Variants in FHDC1 observed in about 807,000 individuals in gnomAD.
The protein encoded by FHDC1 is FH2 domain-containing protein 1.
A neutral mutation model predicts 52.6 loss-of-function variants in FHDC1; 25 were observed. The observed-to-expected ratio is 0.48, with a 90% confidence interval of 0.35 to 0.66. The LOEUF is 0.66. FHDC1 is among the 30% of genes least tolerant of loss of function. The pLI is 0.01. For missense variants in FHDC1, 1,459 were observed against 1,452.8 expected, an observed-to-expected ratio of 1.00 and a Z score of -0.07; for synonymous variants, 616 against 581.5, an observed-to-expected ratio of 1.06 and a Z score of -0.85.
the FHDC1 span, among the ~76,000 whole-genome samples, chr4:152,930,997 A>ACACACACACT: frequency 7.8e-3 from 883 of 113,168 alleles, 3 homozygotes; most frequent in Middle Eastern, 0.019. Flanking sequence ...ACACACACAC[A>ACACACACACT]CTCTCTCTCT....
intron 2 of FHDC1, among the ~76,000 whole-genome samples, chr4:152,952,140 A>G (rs191721369): frequency 1.3e-4 from 20 of 152,334 alleles, no homozygotes; most frequent in Non-Finnish European, 1.3e-4. Flanking sequence ...ACACTACCTT[A>G]CACCCTCCTA....
At chr4:152,939,444 C>T (rs192594087) in intron 1 of FHDC1, among the ~76,000 whole-genome samples, 1 of 152,240 alleles carries the variant, frequency 6.6e-6, no homozygotes, top group African/African-American at 2.4e-5. Flanking sequence ...GAGACTAGAA[C>T]TTCTAGGGGT....
the FHDC1 span, among the ~76,000 whole-genome samples, chr4:152,919,944 C>CTTTTT: frequency 1.4e-5 from 1 of 70,300 alleles, no homozygotes; most frequent in Non-Finnish European, 2.7e-5. Context: ...TAGGGAAGTT[C>CTTTTT]TTTTTTTTTT....
intron 1 of FHDC1, among the ~76,000 whole-genome samples, chr4:152,941,984 C>G (rs552530357): frequency 3.3e-5 from 5 of 152,276 alleles, no homozygotes; most frequent in African/African-American, 1.2e-4. Context: ...TTTGACCTCT[C>G]TTTCACATCA....
the FHDC1 span, among the ~76,000 whole-genome samples, chr4:152,921,584 T>TCCTC: frequency 4.0e-4 from 54 of 133,454 alleles, no homozygotes; most frequent in East Asian, 3.1e-3. Context: ...CTTCCTTCCT[T>TCCTC]CCTCCCTCCC....
At chr4:152,918,158 A>T in the FHDC1 span, among the ~76,000 whole-genome samples, 1 of 152,232 alleles carries the variant, frequency 6.6e-6, no homozygotes, top group African/African-American at 2.4e-5. Flanking sequence ...ATTTATGCTT[A>T]TGACTAGAGC....
the FHDC1 span, chr4:152,912,033 C>T: frequency 6.6e-6 from 1 of 152,370 alleles, no homozygotes; most frequent in Admixed American, 6.6e-5. Flanking sequence ...TGTTTTAGCT[C>T]AGTAAGCTAT....
At chr4:152,953,820 T>C (rs1050741140) in intron 3 of FHDC1, among the ~76,000 whole-genome samples, 3 of 152,250 alleles carry the variant, frequency 2.0e-5, no homozygotes, top group Non-Finnish European at 4.4e-5. Flanking sequence ...CAGAGTCACC[T>C]TTAGTGTTGC....
At chr4:152,918,964 C>T in the FHDC1 span, among the ~76,000 whole-genome samples, 1 of 152,262 alleles carries the variant, frequency 6.6e-6, no homozygotes, top group African/African-American at 2.4e-5. Context: ...GAGGATCAGG[C>T]TTCAAAGAGC....
At chr4:152,937,745 C>G (rs905865213) in intron 1 of FHDC1, among the ~76,000 whole-genome samples, 1 of 152,004 alleles carries the variant, frequency 6.6e-6, no homozygotes. Context: ...CCGCGACGCC[C>G]TTCTGCCCGG....
At chr4:152,942,879 G>A (rs1312136465) in intron 1 of FHDC1, 49 bp from the exon 2 acceptor site, 9 of 647,678 alleles carry the variant, frequency 1.4e-5, no homozygotes, top group Non-Finnish European at 2.3e-5. Flanking sequence ...AAATGCTGAT[G>A]CGAAACTGTT....
At chr4:152,938,299 A>G (rs563635476) in intron 1 of FHDC1, among the ~76,000 whole-genome samples, 1 of 135,470 alleles carries the variant, frequency 7.4e-6, no homozygotes, top group African/African-American at 2.7e-5. Context: ...GGCGCCTATG[A>G]ATATTTACAT....
Position 152,943,146 on chromosome 4 carries a change from C to A in FHDC1, c.89C>A (p.Pro30His), listed in dbSNP as rs759971141. The change falls in exon 2 of 12, where the codon CCT (proline) becomes CAT (histidine). Residue 30 changes from proline to histidine, a missense_variant. Transcript: ENST00000511601. Reference protein sequence around the residue: ...TAPGFMIGQTPPPAPPPPPPP... With the variant: ...TAPGFMIGQTHPPAPPPPPPP... ...CCTGGATTCATGATTGGGCAGACACCTCCTCCAGCACCTCCTCCACCTCCT... is the reference window on the plus strand; with the variant it reads ...CCTGGATTCATGATTGGGCAGACACATCCTCCAGCACCTCCTCCACCTCCT... The A allele has an allele frequency of 6.2e-7, 1 of 1,613,932 alleles. No homozygotes were observed. Among genetic ancestry groups the A allele is most frequent in the Non-Finnish European group, 8.5e-7 (1 of 1,179,962 alleles).
In FHDC1 at chr4:152,976,086, C is replaced by T. The variant is rs1211866470; in HGVS notation, c.2795C>T (p.Pro932Leu). The T allele has an allele frequency of 1.2e-6, 2 of 1,606,724 alleles. No homozygotes were observed. The highest frequency in any genetic ancestry group is 1.7e-6 in the Non-Finnish European group (2 of 1,176,922). ...TCCCGGGGGCCCTCCCAGAATCCCC[C>T]CAGCAGCACAGATACTGTGTGGTCA... ...LSSRGPSQNPPSSTDTVWSRQ... is the reference protein window; with the variant it reads ...LSSRGPSQNPLSSTDTVWSRQ... The change falls in exon 12 of 12, where the codon CCC (proline) becomes CTC (leucine). Residue 932 changes from proline to leucine, a missense_variant. By Grantham distance (98) the Pro-to-Leu change is moderately conservative. Transcript: ENST00000511601.
chr4:152,947,535 G>T (rs961934924), intron 2 of FHDC1, among the ~76,000 whole-genome samples: 14 of 152,160 alleles, frequency 9.2e-5, no homozygotes, highest in African/African-American at 3.1e-4. Flanking sequence ...GGGTGTGCGT[G>T]TCTGCCTCTA....
intron 2 of FHDC1, among the ~76,000 whole-genome samples, chr4:152,948,324 A>G (rs1739798550): frequency 6.6e-6 from 1 of 152,246 alleles, no homozygotes; most frequent in Non-Finnish European, 1.5e-5. Context: ...TATGCTAAAT[A>G]AGCCAGTCGC....
rs536057057 is a variant in FHDC1, at chr4:152,948,974, C to T, written c.499-4525C>T. Among the ~76,000 whole-genome samples the T allele has an allele frequency of 2.3e-4, 35 of 151,808 alleles. No homozygotes were observed. The South Asian group carries it at 2.7e-3, about 12-fold the overall frequency. ...CATGGTGGCTCGTGCCTGTAGTCCC[C>T]GTTACTCGGGAGGCTGATGCAGGAG... On this transcript the variant is annotated intron_variant, in intron 2 of 11. Coordinates refer to ENST00000511601, the MANE Select transcript of FHDC1 (RefSeq NM_001371116.1).
chr4:152,939,067 G>T (rs1241709658), intron 1 of FHDC1, among the ~76,000 whole-genome samples: 1 of 152,104 alleles, frequency 6.6e-6, no homozygotes, highest in African/African-American at 2.4e-5. Context: ...AGACTAGAAC[G>T]TCTTTTTTTT....
At chr4:152,946,276 GTA>G (rs1166317202) in intron 2 of FHDC1, among the ~76,000 whole-genome samples, 1 of 152,172 alleles carries the variant, frequency 6.6e-6, no homozygotes, top group African/African-American at 2.4e-5. Flanking sequence ...CCATGACTGT[GTA>G]TCATAAGATA....
Sources: allele counts gnomAD v4.1 joint callset (sites outside exome capture counted in the v4.1 genomes callset), GRCh38; gene constraint gnomAD v4.1.1; transcripts MANE v1.5; gene names NCBI Gene and HGNC (gene_info 2026-07-23, HGNC 2026-07-21).